The following SLA2 variants were observed in gnomAD, a reference collection of about 807,000 sequenced individuals.
The protein encoded by SLA2 is src-like-adapter 2.
Under a neutral mutation model 27.3 loss-of-function variants are expected in SLA2, and 22 were observed. The ratio of observed to expected loss-of-function variants is 0.81; its 90% confidence interval spans 0.58 to 1.15. The LOEUF (loss-of-function observed/expected upper bound fraction) is 1.15. SLA2 is among the 50% of genes most tolerant of loss of function. SLA2 has a pLI of 0.00. For synonymous variants in SLA2, 131 were observed against 137.8 expected (o/e 0.95, Z 0.34); for missense variants, 304 against 322.2 (o/e 0.94, Z 0.43).
intron 5 of SLA2, among the ~76,000 whole-genome samples, chr20:36,622,432 C>A (rs535139654): frequency 1.9e-4 from 27 of 144,304 alleles, no homozygotes; most frequent in African/African-American, 7.6e-4. Context: ...AAATTCAACA[C>A]CCTTCATGAT....
At chr20:36,639,426 A>G (rs1314949236) in intron 2 of SLA2, among the ~76,000 whole-genome samples, 1 of 148,816 alleles carries the variant, frequency 6.7e-6, no homozygotes, top group Non-Finnish European at 1.5e-5. Context: ...CACACACACA[A>G]CTATTGGTTG....
At chr20:36,615,124 G>C in intron 6 of SLA2, 101 bp downstream of exon 6, 2 of 1,559,980 alleles carry the variant, frequency 1.3e-6, no homozygotes, top group Non-Finnish European at 1.7e-6. Context: ...TCTTCTGTCT[G>C]TCTGAATACT....
intron 5 of SLA2, among the ~76,000 whole-genome samples, chr20:36,622,835 C>T (rs1453465460): frequency 6.6e-6 from 1 of 152,188 alleles, no homozygotes; most frequent in Non-Finnish European, 1.5e-5. Flanking sequence ...CCTCAAAATC[C>T]TTAATCACAT....
chr20:36,637,430 C>T (rs991394640), intron 2 of SLA2, among the ~76,000 whole-genome samples: 4 of 151,498 alleles, frequency 2.6e-5, no homozygotes, highest in African/African-American at 4.8e-5. Flanking sequence ...CTCCTGACCT[C>T]GTGATCTGCC....
At chr20:36,615,936 T>C (rs1162628626) in intron 5 of SLA2, among the ~76,000 whole-genome samples, 2 of 152,136 alleles carry the variant, frequency 1.3e-5, no homozygotes, top group East Asian at 3.8e-4. Flanking sequence ...GTAGAATAAA[T>C]TGTGGATTAT....
chr20:36,637,892 T>TC (rs1326606236), intron 2 of SLA2, among the ~76,000 whole-genome samples: 1 of 141,878 alleles, frequency 7.0e-6, no homozygotes, highest in African/African-American at 2.6e-5. Context: ...TCTTTTTTTT[T>TC]TTTTTTTTTT....
At chr20:36,632,150 G>A (rs1485938236) in intron 5 of SLA2, among the ~76,000 whole-genome samples, 1 of 152,148 alleles carries the variant, frequency 6.6e-6, no homozygotes, top group East Asian at 1.9e-4. Flanking sequence ...TGCCTTGGGA[G>A]AAAACCAAAG....
rs148128707 is a variant in SLA2 at position 36,636,562 on chromosome 20, A to T, written c.92-1973T>A. Reference sequence around the variant, plus strand: ...GGAGGTTGCGGTGAGCGGAGATCACATCATTGCACTCCAGCCTGGGCAACA... The same window carrying T: ...GGAGGTTGCGGTGAGCGGAGATCACTTCATTGCACTCCAGCCTGGGCAACA... On this transcript the variant is annotated intron_variant, in intron 2 of 7. Coordinates refer to ENST00000262866, the MANE Select transcript of SLA2 (RefSeq NM_032214.4). 4.0e-3 allele frequency among the ~76,000 whole-genome samples: 580 copies of T among 145,998 alleles called. 3 individuals are homozygous for T. Among genetic ancestry groups the T allele is most frequent in the African/African-American group, 0.014 (551 of 39,936 alleles).
intron 5 of SLA2, among the ~76,000 whole-genome samples, chr20:36,615,847 T>A (rs1276461390): frequency 6.6e-6 from 1 of 151,908 alleles, no homozygotes; most frequent in Non-Finnish European, 1.5e-5. Context: ...GCACAATACC[T>A]CAGAAGCACA....
intron 4 of SLA2, 39 bp downstream of exon 4, chr20:36,633,504 C>T (rs1411110482): frequency 2.0e-6 from 3 of 1,536,886 alleles, no homozygotes; most frequent in South Asian, 2.2e-5. Context: ...GAGGAGAAAG[C>T]AGGAAGCTCT....
Position 36,620,990 on chromosome 20 carries a change from G to A in SLA2, c.383-5616C>T, listed in dbSNP as rs190332129. 1.0e-4 allele frequency: 36 copies of A among 361,266 alleles called. No homozygotes were observed. The East Asian group carries it at 2.4e-3, about 24-fold the overall frequency. 22.4% of individuals were successfully genotyped at this position (361,266 alleles called of 1,614,324 possible). ...GGATCTGGCAATTTTACAGGTTACA[G>A]AGGAAACTTTGGAGGTAGTAGAGGT... is the stretch of plus-strand genomic sequence containing the variant. On this transcript the variant is annotated intron_variant, in intron 5 of 7. Transcript: ENST00000262866.
intron 6 of SLA2, 47 bp downstream of exon 6, chr20:36,615,178 C>T (rs1035708493): frequency 6.2e-7 from 1 of 1,612,970 alleles, no homozygotes; most frequent in Non-Finnish European, 8.5e-7. Context: ...CCTGCTCCTC[C>T]CCACAGACTA....
chr20:36,634,206 G>T lies in SLA2; in HGVS notation c.191+284C>A, dbSNP rs142187141. ...TCACCGTGTTGGCCAGGCTGGTCTC[G>T]AATTCCTGACCTCAGGTGATCTGCC... On this transcript the variant is annotated intron_variant, in intron 3 of 7. Coordinates refer to ENST00000262866, the MANE Select transcript of SLA2 (RefSeq NM_032214.4). Among the ~76,000 whole-genome samples, 42 of 152,034 alleles carry T rather than the reference G, an allele frequency of 2.8e-4. No homozygotes were observed. In the East Asian group the frequency reaches 6.4e-3, roughly 23 times the overall value.
intron 5 of SLA2, among the ~76,000 whole-genome samples, chr20:36,629,806 C>T (rs1033298548): frequency 1.3e-5 from 2 of 152,004 alleles, no homozygotes; most frequent in African/African-American, 4.8e-5. Context: ...GGTGTGGTAG[C>T]ACTCGCCTGT....
At chr20:36,622,210 C>CAAAAA (rs549536610) in intron 5 of SLA2, among the ~76,000 whole-genome samples, 13 of 100,978 alleles carry the variant, frequency 1.3e-4, no homozygotes, top group African/African-American at 4.9e-4. Flanking sequence ...GACTTGATCT[C>CAAAAA]AAAAAAAAAA....
Position 36,636,278 on chromosome 20 carries a change from G to A in SLA2, c.92-1689C>T, listed in dbSNP as rs901120076. 2.1e-5 allele frequency among the ~76,000 whole-genome samples: 3 copies of A among 145,754 alleles called. 1 individual carries two copies. Among genetic ancestry groups the A allele is most frequent in the East Asian group, 1.9e-4 (1 of 5,130 alleles). ...TAAAAATACAAAAAAAAAATTAGCCGGGCGCGGTGGCGGGCGCCTGTAGTC... is the reference window on the plus strand; with the variant it reads ...TAAAAATACAAAAAAAAAATTAGCCAGGCGCGGTGGCGGGCGCCTGTAGTC... On this transcript the variant is annotated intron_variant, in intron 2 of 7. Transcript: ENST00000262866.
At chr20:36,635,945 C>T (rs1415036883) in intron 2 of SLA2, among the ~76,000 whole-genome samples, 1 of 152,156 alleles carries the variant, frequency 6.6e-6, no homozygotes, top group Non-Finnish European at 1.5e-5. Context: ...CACCTCTGCA[C>T]ACACTCTTGG....
rs938956765 is a variant in SLA2, at chr20:36,613,635, T to A, written c.*231A>T. The A allele has an allele frequency of 8.7e-6, 4 of 461,854 alleles. No individual in the cohort carries two copies. Among genetic ancestry groups the A allele is most frequent in the South Asian group, 7.0e-5 (2 of 28,624 alleles). 28.6% of individuals were successfully genotyped at this position (461,854 alleles called of 1,614,324 possible). On this transcript the variant is annotated 3_prime_UTR_variant, in exon 8 of 8. Coordinates refer to ENST00000262866, the MANE Select transcript of SLA2 (RefSeq NM_032214.4). The stretch of plus-strand genomic sequence containing the variant: ...TTGGAACCCTGGCCCTGGTCCCACC[T>A]TCTCTGCACTCGCACTAGAGGTCGC...
At chr20:36,615,431 C>G in intron 5 of SLA2, 57 bp from the exon 6 acceptor site, 1 of 1,604,496 alleles carries the variant, frequency 6.2e-7, no homozygotes. Flanking sequence ...TCGGCCCCAC[C>G]TAGGCTGGGA....
Sources: gnomAD v4.1 joint callset for allele counts (sites outside exome capture counted in the v4.1 genomes callset) on GRCh38, gnomAD v4.1.1 for gene constraint, MANE v1.5 for transcripts, NCBI Gene and HGNC (gene_info 2026-07-23, HGNC 2026-07-21) for gene names.